The following ARHGEF28 variants were observed in gnomAD, a reference collection of about 807,000 sequenced individuals.
ARHGEF28 encodes 190 kDa guanine nucleotide exchange factor.
In ARHGEF28, 152 loss-of-function variants were observed where a neutral mutation model predicts 206.6. The observed-to-expected ratio is 0.74, with a 90% confidence interval of 0.64 to 0.84. The LOEUF (loss-of-function observed/expected upper bound fraction) is 0.84, where lower values mean the gene tolerates loss of function less well. ARHGEF28 is among the 40% of genes least tolerant of loss of function. The pLI is 0.00. For missense variants in ARHGEF28, 2,028 were observed against 2,073.2 expected (o/e 0.98, Z 0.42); for synonymous variants, 763 against 776.4 (o/e 0.98, Z 0.29).
At chr5:73,741,435 A>G (rs1419012296) in intron 2 of ARHGEF28, among the ~76,000 whole-genome samples, 1 of 87,890 alleles carries the variant, frequency 1.1e-5, no homozygotes, top group South Asian at 4.5e-4. Context: ...ATATATATAT[A>G]TATATATGTA....
chr5:73,817,385 TA>T (rs2112530805), intron 9 of ARHGEF28, among the ~76,000 whole-genome samples: 1 of 152,364 alleles, frequency 6.6e-6, no homozygotes, highest in African/African-American at 2.4e-5. Flanking sequence ...TATGGTACCC[TA>T]TTAATCATAA....
At chr5:73,780,815 G>T in intron 7 of ARHGEF28, 70 bp downstream of exon 7, 2 of 1,506,014 alleles carry the variant, frequency 1.3e-6, no homozygotes, top group South Asian at 1.2e-5. Flanking sequence ...CCAGTCCGTT[G>T]AAGTGTGTGG....
intron 26 of ARHGEF28, among the ~76,000 whole-genome samples, chr5:73,889,497 A>G (rs901756797): frequency 1.3e-5 from 2 of 152,268 alleles, no homozygotes; most frequent in African/African-American, 4.8e-5. Flanking sequence ...TCTCTTGAAC[A>G]TCAAAGAAGG....
chr5:73,915,364 T>C (rs1763153335), intron 35 of ARHGEF28, among the ~76,000 whole-genome samples: 3 of 152,244 alleles, frequency 2.0e-5, no homozygotes, highest in Admixed American at 6.5e-5. Flanking sequence ...TCTGTAAATA[T>C]TTTTTAAGAT....
At chr5:73,694,540 T>C (rs1748062787) in intron 2 of ARHGEF28, among the ~76,000 whole-genome samples, 2 of 152,246 alleles carry the variant, frequency 1.3e-5, no homozygotes, top group Admixed American at 1.3e-4. Flanking sequence ...GAGTTTTCTC[T>C]GGGAGAAGCC....
rs1750179072 is a variant in ARHGEF28 at position 73,724,835 on chromosome 5, C to T, written c.34-25002C>T. 2.0e-5 allele frequency among the ~76,000 whole-genome samples: 3 copies of T among 152,244 alleles called. No individual in the cohort carries two copies. The South Asian group carries it at 6.2e-4, about 32-fold the overall frequency. On this transcript the variant is annotated intron_variant, in intron 2 of 35. Transcript: ENST00000513042. ...AGATGATTCCAGTTTTTGGTGATTA[C>T]AAATAGAGCTGCCATAACCATCCAT...
intron 2 of ARHGEF28, among the ~76,000 whole-genome samples, chr5:73,706,651 A>C (rs537707509): frequency 6.6e-6 from 1 of 152,322 alleles, no homozygotes; most frequent in Non-Finnish European, 1.5e-5. Context: ...AATGATACTT[A>C]GTTTTATATT....
At chr5:73,835,940 T>C (rs954567919) in intron 10 of ARHGEF28, among the ~76,000 whole-genome samples, 17 of 152,182 alleles carry the variant, frequency 1.1e-4, no homozygotes, top group Non-Finnish European at 2.2e-4. Context: ...ACACATTTAG[T>C]CACAGAAGAG....
chr5:73,745,158 C>A (rs1241743897), intron 2 of ARHGEF28, among the ~76,000 whole-genome samples: 1 of 151,848 alleles, frequency 6.6e-6, no homozygotes, highest in Non-Finnish European at 1.5e-5. Context: ...TGTTGTTCAG[C>A]AAATAGCATT....
In ARHGEF28 at chr5:73,806,300, T is replaced by TAGTATATATAGTATATATATACTCTATAG. The variant is rs1372252538; in HGVS notation, c.1024+10920_1024+10948dup. 1.0e-4 allele frequency among the ~76,000 whole-genome samples: 14 copies of TAGTATATATAGTATATATATACTCTATAG among 134,420 alleles called. 1 individual carries two copies. Among genetic ancestry groups the TAGTATATATAGTATATATATACTCTATAG allele is most frequent in the African/African-American group, 2.0e-4 (7 of 35,258 alleles). 88.2% of individuals were successfully genotyped at this position (134,420 alleles called of 152,430 possible). A position where few individuals can be genotyped will look rare whatever the true frequency, so the allele number is the denominator to read the frequency against. Reference sequence around the variant, plus strand: ...ATATACATAGATAGTATATATAGTATAGTATATATAGTATATATATACTCT... The same window carrying TAGTATATATAGTATATATATACTCTATAG: ...ATATACATAGATAGTATATATAGTATAGTATATATAGTATATATATACTCTATAGAGTATATATAGTATATATATACTCT... On this transcript the variant is annotated intron_variant, in intron 9 of 35. Coordinates refer to ENST00000513042, the MANE Select transcript of ARHGEF28 (RefSeq NM_001177693.2).
chr5:73,706,173 CAA>C (rs1226341344), intron 2 of ARHGEF28, among the ~76,000 whole-genome samples: 1 of 146,812 alleles, frequency 6.8e-6, no homozygotes, highest in Non-Finnish European at 1.6e-5. Context: ...AGGAAGCAGA[CAA>C]AGTCTAGTTT....
At chr5:73,781,176 G>C (rs114327479) in intron 7 of ARHGEF28, among the ~76,000 whole-genome samples, 1,559 of 152,188 alleles carry the variant, frequency 0.01, 39 homozygotes, top group African/African-American at 0.035. Flanking sequence ...TCATCACGAG[G>C]GTCGGGGGAC....
chr5:73,772,799 C>T (rs1273479975), intron 4 of ARHGEF28, among the ~76,000 whole-genome samples: 3 of 152,142 alleles, frequency 2.0e-5, no homozygotes, highest in Non-Finnish European at 4.4e-5. Flanking sequence ...TTCAAACTGC[C>T]TTTTATTGGT....
intron 1 of ARHGEF28, among the ~76,000 whole-genome samples, chr5:73,650,298 TTTTTTA>T (rs1321097246): frequency 2.1e-4 from 31 of 146,314 alleles, no homozygotes; most frequent in Non-Finnish European, 4.2e-4. Flanking sequence ...TTTTTTTTTT[TTTTTTA>T]GACGGAGTCT....
chr5:73,827,862 AT>A (rs1167936292), intron 9 of ARHGEF28: 1 of 152,220 alleles, frequency 6.6e-6, no homozygotes, highest in Non-Finnish European at 1.5e-5. Flanking sequence ...ATTGCAAATT[AT>A]TTCTATATGC....
intron 1 of ARHGEF28, among the ~76,000 whole-genome samples, chr5:73,664,359 T>C (rs1745809589): frequency 1.3e-5 from 2 of 152,214 alleles, no homozygotes. Flanking sequence ...ATTTCTAACA[T>C]AGCAATGGAG....
intron 9 of ARHGEF28, among the ~76,000 whole-genome samples, chr5:73,831,488 T>A (rs774533622): frequency 2.6e-5 from 4 of 152,134 alleles, no homozygotes; most frequent in Non-Finnish European, 4.4e-5. Context: ...AGAAGTAAAA[T>A]TCTCCACGTG....
At chr5:73,882,142 T>C (rs1760994966) in intron 22 of ARHGEF28, among the ~76,000 whole-genome samples, 1 of 152,114 alleles carries the variant, frequency 6.6e-6, no homozygotes, top group African/African-American at 2.4e-5. Flanking sequence ...TTTCTTTCAA[T>C]CTATAAAAGT....
chr5:73,793,234 A>G (rs2112483260), intron 7 of ARHGEF28, among the ~76,000 whole-genome samples: 1 of 152,356 alleles, frequency 6.6e-6, no homozygotes, highest in Non-Finnish European at 1.5e-5. Context: ...GAAACACAAG[A>G]CAAGGATTGT....
Sources: gnomAD v4.1 joint callset for allele counts (sites outside exome capture counted in the v4.1 genomes callset) on GRCh38, gnomAD v4.1.1 for gene constraint, MANE v1.5 for transcripts, NCBI Gene and HGNC (gene_info 2026-07-23, HGNC 2026-07-21) for gene names.